The following GABRB1 variants were observed in gnomAD, a reference collection of about 807,000 sequenced individuals.
GABRB1 encodes the protein gamma-aminobutyric acid type A receptor subunit beta1.
In GABRB1, 17 loss-of-function variants were observed where a neutral mutation model predicts 51.6. The ratio of observed to expected loss-of-function variants is 0.33; its 90% CI spans 0.23 to 0.49. The LOEUF (loss-of-function observed/expected upper bound fraction) is 0.49, where lower values mean the gene tolerates loss of function less well. Among genes scored for constraint, GABRB1 ranks in the 20% least tolerant of loss-of-function variants. The pLI, the probability that GABRB1 is intolerant of heterozygous loss-of-function variation, is 0.99. For synonymous variants in GABRB1, 247 were observed against 218.9 expected (o/e 1.13, Z -1.14); for missense variants, 410 against 600.6 (o/e 0.68, Z 3.32).
Position 47,246,337 on chromosome 4 carries a change from CATATATATATATATATAT to C in GABRB1, c.462-73748_462-73731del, listed in dbSNP as rs60968247. 3.5e-3 allele frequency among the ~76,000 whole-genome samples: 184 copies of C among 53,292 alleles called. 3 individuals are homozygous for C. Among genetic ancestry groups the C allele is most frequent in the African/African-American group, 4.3e-3 (78 of 18,056 alleles). 35.0% of individuals were successfully genotyped at this position (53,292 alleles called of 152,430 possible). On this transcript the variant is annotated intron_variant, in intron 4 of 8. Coordinates refer to ENST00000295454, the MANE Select transcript of GABRB1 (RefSeq NM_000812.4). The stretch of plus-strand genomic sequence containing the variant: ...ACACACACACACACACACATATGTA[CATATATATATATATATAT>C]ATATATATATATATATATATATATA...
chr4:47,083,470 G>C (rs1288847922), intron 3 of GABRB1, among the ~76,000 whole-genome samples: 2 of 152,040 alleles, frequency 1.3e-5, no homozygotes, highest in Non-Finnish European at 2.9e-5. Context: ...TTCTTATAAA[G>C]CCCAAGAGTA....
intron 3 of GABRB1, among the ~76,000 whole-genome samples, chr4:47,067,860 T>C (rs1395940571): frequency 6.6e-6 from 1 of 152,118 alleles, no homozygotes; most frequent in African/African-American, 2.4e-5. Flanking sequence ...TAGCTCTTCT[T>C]CCTGATGCTC....
At chr4:47,276,031 A>C (rs997280401) in intron 4 of GABRB1, among the ~76,000 whole-genome samples, 4 of 152,176 alleles carry the variant, frequency 2.6e-5, no homozygotes, top group Admixed American at 2.6e-4. Flanking sequence ...CTGTTTCAGC[A>C]GTAGAAGAAA....
chr4:47,145,765 G>A (rs918993605), intron 3 of GABRB1, among the ~76,000 whole-genome samples: 4 of 151,972 alleles, frequency 2.6e-5, no homozygotes, highest in African/African-American at 9.7e-5. Context: ...ACATCAGAAG[G>A]GGACTGGCTC....
chr4:47,393,550 G>A (rs1460905972), intron 5 of GABRB1, among the ~76,000 whole-genome samples: 4 of 152,086 alleles, frequency 2.6e-5, no homozygotes, highest in African/African-American at 9.7e-5. Flanking sequence ...AAATTGTTGA[G>A]GATTTTGTGG....
At chr4:47,241,699 T>C (rs1721527837) in intron 4 of GABRB1, among the ~76,000 whole-genome samples, 1 of 152,158 alleles carries the variant, frequency 6.6e-6, no homozygotes, top group African/African-American at 2.4e-5. Flanking sequence ...CTCTCACCTT[T>C]TCAGCCTATG....
intron 4 of GABRB1, among the ~76,000 whole-genome samples, chr4:47,207,004 T>C (rs1184689425): frequency 1.3e-5 from 2 of 151,960 alleles, no homozygotes; most frequent in African/African-American, 4.8e-5. Context: ...CTTCTGTTAA[T>C]TGACTTTTCA....
At chr4:47,251,436 G>A (rs964072010) in intron 4 of GABRB1, among the ~76,000 whole-genome samples, 4 of 152,198 alleles carry the variant, frequency 2.6e-5, no homozygotes, top group Admixed American at 2.0e-4. Context: ...CTGCCAGGAG[G>A]TGGTGCTTTC....
intron 3 of GABRB1, among the ~76,000 whole-genome samples, chr4:47,082,895 C>T (rs999555671): frequency 5.3e-5 from 8 of 151,994 alleles, no homozygotes; most frequent in African/African-American, 2.4e-5. Flanking sequence ...CTATTGAAGT[C>T]GCCAATTCAG....
chr4:47,369,434 T>TACAC (rs34999907), intron 5 of GABRB1, among the ~76,000 whole-genome samples: 48 of 149,918 alleles, frequency 3.2e-4, no homozygotes, highest in Middle Eastern at 3.5e-3. Context: ...TCTTTCTATT[T>TACAC]ACACACACAC....
At chr4:47,200,381 C>T (rs917055617) in intron 4 of GABRB1, among the ~76,000 whole-genome samples, 1 of 152,074 alleles carries the variant, frequency 6.6e-6, no homozygotes, top group Non-Finnish European at 1.5e-5. Flanking sequence ...GCTGAGACAC[C>T]AGGACATTGG....
At chr4:47,026,446 A>G (rs1447372858) in intron 1 of GABRB1, among the ~76,000 whole-genome samples, 1 of 152,102 alleles carries the variant, frequency 6.6e-6, no homozygotes, top group African/African-American at 2.4e-5. Flanking sequence ...CTAAACAACA[A>G]CAGTAAACAG....
chr4:47,178,698 TAAAG>T (rs1384917437), intron 4 of GABRB1, among the ~76,000 whole-genome samples: 1 of 152,124 alleles, frequency 6.6e-6, no homozygotes, highest in Non-Finnish European at 1.5e-5. Context: ...TTAGAAAAGA[TAAAG>T]AGTCTTTGAA....
At chr4:47,267,534 C>T (rs1329163060) in intron 4 of GABRB1, among the ~76,000 whole-genome samples, 1 of 152,112 alleles carries the variant, frequency 6.6e-6, no homozygotes, top group Non-Finnish European at 1.5e-5. Flanking sequence ...GTGGCTCACG[C>T]CTGTAATCTC....
intron 1 of GABRB1, among the ~76,000 whole-genome samples, chr4:47,007,894 A>ATATATATATAT (rs1491436729): frequency 8.7e-4 from 29 of 33,394 alleles, no homozygotes; most frequent in Non-Finnish European, 1.5e-3. Context: ...ATATATATAT[A>ATATATATATAT]AAATCAAGTT....
At chr4:47,416,398 A>G (rs1728918787) in intron 8 of GABRB1, among the ~76,000 whole-genome samples, 1 of 152,144 alleles carries the variant, frequency 6.6e-6, no homozygotes. Context: ...TTGAAAAGTA[A>G]CTAGAAGATA....
chr4:47,225,467 A>G (rs917950576), intron 4 of GABRB1, among the ~76,000 whole-genome samples: 4 of 152,176 alleles, frequency 2.6e-5, no homozygotes, highest in African/African-American at 7.2e-5. Flanking sequence ...TTAACTAAGA[A>G]TGGAAGAGCT....
chr4:47,406,082 A>G (rs1256879778), intron 7 of GABRB1, among the ~76,000 whole-genome samples: 1 of 152,184 alleles, frequency 6.6e-6, no homozygotes, highest in African/African-American at 2.4e-5. Context: ...AATGTAAAAT[A>G]TACATAAATC....
chr4:47,251,939 C>T lies in GABRB1; in HGVS notation c.462-68188C>T, dbSNP rs545218880. On this transcript the variant is annotated intron_variant, in intron 4 of 8. Coordinates refer to ENST00000295454, the MANE Select transcript of GABRB1 (RefSeq NM_000812.4). ...CTCCCAACTGCAGAGGGAAAAAGGG[C>T]TTGTTTCTTCCCCTGCCTGTGGAGT... 5.1e-4 allele frequency among the ~76,000 whole-genome samples: 78 copies of T among 152,306 alleles called. No individual in the cohort carries two copies. The South Asian group carries it at 0.015, about 29-fold the overall frequency.
Sources: gnomAD v4.1 joint callset for allele counts (sites outside exome capture counted in the v4.1 genomes callset) on GRCh38, gnomAD v4.1.1 for gene constraint, MANE v1.5 for transcripts, NCBI Gene and HGNC (gene_info 2026-07-23, HGNC 2026-07-21) for gene names.